The following ALS2CL variants were observed in gnomAD, a reference collection of about 807,000 sequenced individuals.
ALS2CL encodes ALS2 C-terminal like, also known as ALS2 C-terminal-like protein.
A neutral mutation model predicts 127.9 loss-of-function variants in ALS2CL; 112 were observed. The observed-to-expected ratio is 0.88, with a 90% CI of 0.75 to 1.02. ALS2CL has a LOEUF of 1.02. Ranked by LOEUF, ALS2CL falls within the 50% of genes least tolerant of loss-of-function variation. The pLI, the probability that ALS2CL is intolerant of heterozygous loss-of-function variation, is 0.00. For synonymous variants in ALS2CL, 519 were observed against 527.6 expected (o/e 0.98, Z 0.22); for missense variants, 1,174 against 1,236.7 (o/e 0.95, Z 0.76).
chr3:46,684,597 A>G (rs1167860863), intron 7 of ALS2CL, among the ~76,000 whole-genome samples: 1 of 152,136 alleles, frequency 6.6e-6, no homozygotes, highest in African/African-American at 2.4e-5. Flanking sequence ...CAGGCCAATC[A>G]CTGCTCCATA....
Position 46,675,695 on chromosome 3 carries a change from C to G in ALS2CL, c.2187-9G>C. The G allele has an allele frequency of 4.3e-6, 7 of 1,613,432 alleles. No individual in the cohort carries two copies. Among genetic ancestry groups the G allele is most frequent in the Non-Finnish European group, 5.9e-6 (7 of 1,180,006 alleles). On this transcript the variant is annotated splice_polypyrimidine_tract_variant and intron_variant, in intron 19 of 25. Transcript: ENST00000318962. ...CAACTCGCAGCAGACCCCTGTGAGT[C>G]AATGAGAGAGAAATGGTGTGGCTGC...
intron 20 of ALS2CL, 141 bp downstream of exon 20, chr3:46,675,477 G>A (rs566911531): frequency 1.2e-4 from 98 of 787,482 alleles, no homozygotes; most frequent in South Asian, 1.0e-3. Flanking sequence ...ATCCACAAAC[G>A]ATCAATGCAC....
In ALS2CL at chr3:46,686,197, C is replaced by T; in HGVS notation, c.666+111G>A. On this transcript the variant is annotated intron_variant, in intron 6 of 25. Transcript: ENST00000318962. The surrounding 1 kb of genome is among the most constrained non-coding windows in gnomAD (Gnocchi z 4.3). The stretch of plus-strand genomic sequence containing the variant: ...CTGCTTCAGCCATCACTCCCCCTTC[C>T]ATATAGGGAAACTGAGGCCCAGAGA... 1 of 1,407,478 alleles carries T rather than the reference C, an allele frequency of 7.1e-7. No homozygotes were observed. The highest frequency in any genetic ancestry group is 9.4e-7 in the Non-Finnish European group (1 of 1,062,628). The allele number at this position is 1,407,478 out of a possible 1,614,324, so 87.2% of individuals were successfully genotyped here.
chr3:46,671,593 C>T lies in ALS2CL; in HGVS notation c.2685-9G>A, dbSNP rs757161355. 1 of 1,613,746 alleles carries T rather than the reference C, an allele frequency of 6.2e-7. No individual in the cohort carries two copies. Among genetic ancestry groups the T allele is most frequent in the Non-Finnish European group, 8.5e-7 (1 of 1,179,910 alleles). ...CTCCCAGGTGCTGAATTCTGGAGAA[C>T]ACCGCCCCACCAAGAGAGCGAGGGA... On this transcript the variant is annotated splice_polypyrimidine_tract_variant and intron_variant, in intron 24 of 25. Transcript: ENST00000318962.
chr3:46,685,578 G>A lies in ALS2CL; in HGVS notation c.733C>T (p.Pro245Ser). ...AGCAGCACACGCTCAGCCCGCAACG[G>A]TGCGACCGTCACGGGTACGTCCTGG... Reference protein sequence around the residue: ...DSQDVPVTVAPLRAERVLLFD... With the variant: ...DSQDVPVTVASLRAERVLLFD... Residue 245 changes from proline to serine, a missense_variant, in exon 7 of 26, where the codon CCG becomes TCG. Coordinates refer to ENST00000318962, the MANE Select transcript of ALS2CL (RefSeq NM_147129.5). The A allele has an allele frequency of 6.2e-7, 1 of 1,614,040 alleles. No individual in the cohort carries two copies. Among genetic ancestry groups the A allele is most frequent in the Non-Finnish European group, 8.5e-7 (1 of 1,179,982 alleles).
In ALS2CL at chr3:46,687,142, G is replaced by C; in HGVS notation, c.375C>G (p.Tyr125Ter). 1 of 1,570,870 alleles carries C rather than the reference G, an allele frequency of 6.4e-7. No homozygotes were observed. Among genetic ancestry groups the C allele is most frequent in the Non-Finnish European group, 8.6e-7 (1 of 1,165,860 alleles). Residue 125 changes from tyrosine to a stop codon, truncating the protein, a stop_gained, in exon 5 of 26, where the codon TAC (tyrosine) becomes TAG (stop). Coordinates refer to ENST00000318962, the MANE Select transcript of ALS2CL (RefSeq NM_147129.5). LOFTEE classifies it high-confidence loss of function. ...GCAGCGCCTTCCGCTGGCCCCGCCA[G>C]TACTCGCTGCGTGTAGAGAGGGCCA... Reference protein sequence around the residue: ...FQKAAKRRSEYWRGQRKALRQ... With the variant: ...FQKAAKRRSE
Position 46,681,426 on chromosome 3 carries a change from A to G in ALS2CL, c.1275-19T>C, listed in dbSNP as rs1216813971. The G allele has an allele frequency of 1.0e-5, 16 of 1,606,654 alleles. No individual in the cohort carries two copies. The highest frequency in any genetic ancestry group is 1.4e-5 in the Non-Finnish European group (16 of 1,174,222). ...GCTGTACCTGGGGAGGGCCATCAAC[A>G]ACGAGCTCTGCCTCATGGAGCTCAG... is the stretch of plus-strand genomic sequence containing the variant. On this transcript the variant is annotated intron_variant, in intron 12 of 25. Transcript: ENST00000318962. This position sits in a 1 kb window ranked among gnomAD's most constrained non-coding sequence, Gnocchi z 4.9.
intron 8 of ALS2CL, 30 bp downstream of exon 8, chr3:46,683,959 C>G (rs371574279): frequency 7.0e-5 from 113 of 1,609,232 alleles, no homozygotes; most frequent in Non-Finnish European, 9.4e-5. Flanking sequence ...GGGAAGAAGG[C>G]CTGGGGTGTC....
At chr3:46,671,634 C>T (rs764094668) in intron 24 of ALS2CL, 50 bp from the exon 25 acceptor site, 1 of 1,612,690 alleles carries the variant, frequency 6.2e-7, no homozygotes, top group East Asian at 2.2e-5. Flanking sequence ...GGAGAAGAGG[C>T]CTGTCGCGGA....
rs373389060 is a variant in ALS2CL, at chr3:46,683,990, C to T, written c.844G>A (p.Gly282Arg). The T allele has an allele frequency of 1.4e-5, 22 of 1,588,874 alleles. No individual in the cohort carries two copies. Among genetic ancestry groups the T allele is most frequent in the Non-Finnish European group, 1.8e-5 (21 of 1,166,770 alleles). The change falls in exon 8 of 26, where the codon GGG becomes AGG. Residue 282 changes from glycine to arginine, a missense_variant and splice_region_variant. By Grantham distance (125) the Gly-to-Arg change is moderately radical. Coordinates refer to ENST00000318962, the MANE Select transcript of ALS2CL (RefSeq NM_147129.5). ...GTGTCAGCCGAGGGGGTTGCTCACC[C>T]GTCCTGCCCAGGATCCACCCACACC... Reference protein sequence around the residue: ...KLVWVDPGQDGCTFHLLTPEE... With the variant: ...KLVWVDPGQDRCTFHLLTPEE...
At chr3:46,675,050 T>G in intron 20 of ALS2CL, 3 of 286,232 alleles carry the variant, frequency 1.0e-5, no homozygotes, top group East Asian at 7.2e-5. Flanking sequence ...TCAGCAGCCA[T>G]TCCAGGCTGA....
chr3:46,677,251 GAA>G (rs1698930582), intron 16 of ALS2CL: 1 of 1,381,918 alleles, frequency 7.2e-7, no homozygotes, highest in African/African-American at 1.5e-5. Context: ...AAGACAGACA[GAA>G]GCATATGGAA....
chr3:46,672,266 C>T lies in ALS2CL; in HGVS notation c.2473-65G>A, dbSNP rs367731987. On this transcript the variant is annotated intron_variant, in intron 22 of 25. Coordinates refer to ENST00000318962, the MANE Select transcript of ALS2CL (RefSeq NM_147129.5). ...CCCCAGCTCTGACATCCCCTCCTTC[C>T]CAGGGCCGGGCCTGAGTCCCCCGCC... 562 of 1,588,884 alleles carry T rather than the reference C, an allele frequency of 3.5e-4. 3 individuals carry two copies. The African/African-American group carries it at 6.7e-3, about 19-fold the overall frequency.
At position 46,672,155 on chromosome 3, in the gene ALS2CL, C is replaced by T; in HGVS notation, c.2519G>A (p.Cys840Tyr). The change falls in exon 23 of 26, where the codon TGC (cysteine) becomes TAC (tyrosine). Residue 840 changes from cysteine (C) to tyrosine (Y), a missense_variant. Physicochemically the swap from Cys to Tyr is radical, Grantham distance 194. Coordinates refer to ENST00000318962, the MANE Select transcript of ALS2CL (RefSeq NM_147129.5). The part of the protein sequence containing the change: ...RDKCFLSATE[C>Y]LQKIMTTVDP... ...TCACACTCACATGATCTTCTGCAGG[C>T]ACTCGGTGGCTGACAGGAAACACTT... The T allele has an allele frequency of 6.2e-7, 1 of 1,614,132 alleles. No homozygotes were observed. Among genetic ancestry groups the T allele is most frequent in the Non-Finnish European group, 8.5e-7 (1 of 1,180,036 alleles).
At chr3:46,682,485 C>T (rs540733363) in intron 10 of ALS2CL, among the ~76,000 whole-genome samples, 147 of 152,338 alleles carry the variant, frequency 9.6e-4, no homozygotes, top group Admixed American at 2.6e-3. Flanking sequence ...TAAGTCTTCT[C>T]GAGCCCTTTC....
intron 16 of ALS2CL, 55 bp from the exon 17 acceptor site, chr3:46,677,077 G>A: frequency 6.5e-7 from 1 of 1,546,534 alleles, no homozygotes; most frequent in Non-Finnish European, 8.7e-7. Context: ...AGCTGAGGTA[G>A]GCAGGACTCT....
In ALS2CL at chr3:46,681,496, T is replaced by C. The variant is rs751077908; in HGVS notation, c.1274+4A>G. 2 of 1,614,104 alleles carry C rather than the reference T, an allele frequency of 1.2e-6. No homozygotes were observed. The highest frequency in any genetic ancestry group is 8.5e-7 in the Non-Finnish European group (1 of 1,179,970). ...CCATGAACCCCCCAGCCAGGGTCAC[T>C]TACTCACAGATGCCGTAGCCACACA... is the stretch of plus-strand genomic sequence containing the variant. On this transcript the variant is annotated splice_donor_region_variant and intron_variant, in intron 12 of 25. Coordinates refer to ENST00000318962, the MANE Select transcript of ALS2CL (RefSeq NM_147129.5). The surrounding 1 kb of genome is among the most constrained non-coding windows in gnomAD (Gnocchi z 4.9).
chr3:46,687,668 T>G lies in ALS2CL; in HGVS notation c.319A>C (p.Thr107Pro). ...QAHIEYIESYTSCMVVQAFQK... is the reference protein window; with the variant it reads ...QAHIEYIESYPSCMVVQAFQK... Reference sequence around the variant, plus strand: ...AAGGCCTGCACCACCATGCAGCTTGTGTAGGACTCAATGTACCTGCAGGCA... The same window carrying G: ...AAGGCCTGCACCACCATGCAGCTTGGGTAGGACTCAATGTACCTGCAGGCA... The change falls in exon 4 of 26, where the codon ACA becomes CCA. Residue 107 changes from threonine to proline, a missense_variant. Thr to Pro is a conservative substitution (Grantham distance 38). Transcript: ENST00000318962. The G allele has an allele frequency of 1.9e-6, 3 of 1,613,120 alleles. No individual in the cohort carries two copies. The South Asian group carries it at 3.3e-5, about 18-fold the overall frequency.
Position 46,670,953 on chromosome 3 carries a change from C to A in ALS2CL, c.*31G>T. The stretch of plus-strand genomic sequence containing the variant: ...AGGGACAGGCTGGCAGTGCCCTGCT[C>A]AGCTCTTCAGTCTGTCCAGGAAAGG... On this transcript the variant is annotated 3_prime_UTR_variant, in exon 26 of 26. Transcript: ENST00000318962. This position sits in a 1 kb window ranked among gnomAD's most constrained non-coding sequence, Gnocchi z 5.5. 1 of 1,599,596 alleles carries A rather than the reference C, an allele frequency of 6.3e-7. No individual in the cohort carries two copies. Among genetic ancestry groups the A allele is most frequent in the South Asian group, 1.1e-5 (1 of 90,776 alleles).
Sources: gnomAD v4.1 joint callset for allele counts (sites outside exome capture counted in the v4.1 genomes callset) on GRCh38, gnomAD v4.1.1 for gene constraint, Gnocchi (gnomAD v3.1) non-coding constraint, MANE v1.5 for transcripts, NCBI Gene and HGNC (gene_info 2026-07-23, HGNC 2026-07-21) for gene names.